Variants in PPFIA4 observed in about 807,000 individuals in gnomAD.
PPFIA4 encodes the protein PPFI scaffold protein A4.
Under a neutral mutation model 145.7 loss-of-function variants are expected in PPFIA4, and 98 were observed. The observed-to-expected ratio is 0.67, with a 90% CI of 0.57 to 0.80. The LOEUF (loss-of-function observed/expected upper bound fraction) is 0.80. Among genes scored for constraint, PPFIA4 ranks in the 30% least tolerant of loss-of-function variants. The pLI, the probability that PPFIA4 is intolerant of heterozygous loss-of-function variation, is 0.00. For synonymous variants in PPFIA4, 628 were observed against 649.6 expected (o/e 0.97, Z 0.51); for missense variants, 1,457 against 1,632.7 (o/e 0.89, Z 1.85).
Position 203,055,384 on chromosome 1 carries a change from G to A in PPFIA4, c.1830-48G>A. 6.2e-7 allele frequency: 1 copy of A among 1,608,668 alleles called. No homozygotes were observed. The highest frequency in any genetic ancestry group is 8.5e-7 in the Non-Finnish European group (1 of 1,175,606). ...GCATCGACCCGCACTGCCTCCTGCT[G>A]GTCCTGGCTGGGGCTAGTGGTGAGG... On this transcript the variant is annotated intron_variant, in intron 15 of 29. Coordinates refer to ENST00000295706, the MANE Select transcript of PPFIA4 (RefSeq NM_001304331.2). The surrounding 1 kb of genome is among the most constrained non-coding windows in gnomAD (Gnocchi z 4.8).
At chr1:203,071,075 T>C (rs1662121687) in intron 27 of PPFIA4, among the ~76,000 whole-genome samples, 1 of 151,698 alleles carries the variant, frequency 6.6e-6, no homozygotes, top group Non-Finnish European at 1.5e-5. Context: ...CCCAACTAAC[T>C]GGTAGCTGGG....
At chr1:203,052,052 C>CCCT (rs1553257078) in intron 14 of PPFIA4, among the ~76,000 whole-genome samples, 175 bp downstream of exon 14, 2 of 140,062 alleles carry the variant, frequency 1.4e-5, no homozygotes. Flanking sequence ...TGTGCCCCCC[C>CCCT]CCCCGCTTGC....
intron 8 of PPFIA4, 65 bp from the exon 9 acceptor site, chr1:203,046,183 G>A: frequency 1.3e-6 from 2 of 1,544,690 alleles, no homozygotes; most frequent in Admixed American, 2.0e-5. Context: ...CTCTGCTGAG[G>A]CTGGGGTGGG....
intron 13 of PPFIA4, among the ~76,000 whole-genome samples, chr1:203,050,800 C>T (rs1660451220): frequency 6.6e-6 from 1 of 151,868 alleles, no homozygotes; most frequent in Non-Finnish European, 1.5e-5. Context: ...TCCTACTTCT[C>T]CCATCCTGAC....
At chr1:203,054,748 C>T (rs1238553906) in intron 15 of PPFIA4, among the ~76,000 whole-genome samples, 1 of 151,970 alleles carries the variant, frequency 6.6e-6, no homozygotes, top group Non-Finnish European at 1.5e-5. Flanking sequence ...GTAGGACCAC[C>T]AGCTTTTTAT....
intron 25 of PPFIA4, among the ~76,000 whole-genome samples, chr1:203,065,408 T>C (rs1661663625): frequency 6.6e-6 from 1 of 152,044 alleles, no homozygotes; most frequent in Non-Finnish European, 1.5e-5. Flanking sequence ...TACTCAGTGA[T>C]TGATAGGGCT....
rs945362160 is a variant in PPFIA4, at chr1:203,076,581, G to C, written c.*191G>C. ...CCCCGAGTCCCACCGTGTGTCCGTT[G>C]TAAGTCCGGTGGATGTGGCTGGGGT... On this transcript the variant is annotated 3_prime_UTR_variant, in exon 30 of 30. Transcript: ENST00000295706. The C allele has an allele frequency of 4.9e-6, 3 of 611,106 alleles. No individual in the cohort carries two copies. The highest frequency in any genetic ancestry group is 8.7e-6 in the Non-Finnish European group (3 of 345,530). The allele number at this position is 611,106 out of a possible 1,614,324, so 37.9% of individuals were successfully genotyped here.
Position 203,068,389 on chromosome 1 carries a change from C to T in PPFIA4, c.3149-64C>T. 7.0e-7 allele frequency: 1 copy of T among 1,438,234 alleles called. No homozygotes were observed. Among genetic ancestry groups the T allele is most frequent in the Non-Finnish European group, 9.4e-7 (1 of 1,058,652 alleles). 89.1% of individuals were successfully genotyped at this position (1,438,234 alleles called of 1,614,324 possible). A position where few individuals can be genotyped will look rare whatever the true frequency, so the allele number is the denominator to read the frequency against. On this transcript the variant is annotated intron_variant, in intron 26 of 29. Coordinates refer to ENST00000295706, the MANE Select transcript of PPFIA4 (RefSeq NM_001304331.2). The surrounding 1 kb of genome is among the most constrained non-coding windows in gnomAD (Gnocchi z 4.7). ...TGGGTTTAGGGAGCTCTGCTTCTGT[C>T]CTTGGAGGGCCCTTGATGAAACGTA...
rs1200811441 is a variant in PPFIA4, at chr1:203,068,377, C to T, written c.3149-76C>T. 3.7e-6 allele frequency: 5 copies of T among 1,350,918 alleles called. No individual in the cohort carries two copies. The highest frequency in any genetic ancestry group is 4.0e-6 in the Non-Finnish European group (4 of 992,626). 83.7% of individuals were successfully genotyped at this position (1,350,918 alleles called of 1,614,324 possible). ...GGACTGCGGCTCTGGGTTTAGGGAG[C>T]TCTGCTTCTGTCCTTGGAGGGCCCT... On this transcript the variant is annotated intron_variant, in intron 26 of 29. Coordinates refer to ENST00000295706, the MANE Select transcript of PPFIA4 (RefSeq NM_001304331.2). The surrounding 1 kb of genome is among the most constrained non-coding windows in gnomAD (Gnocchi z 4.7).
intron 1 of PPFIA4, chr1:203,035,670 T>C (rs1265940225): frequency 2.2e-6 from 1 of 456,464 alleles, no homozygotes; most frequent in Non-Finnish European, 4.4e-6. Flanking sequence ...TGTGCGGGAG[T>C]TGAGGAGGCT....
intron 1 of PPFIA4, among the ~76,000 whole-genome samples, chr1:203,035,075 C>T (rs368033774): frequency 5.3e-5 from 8 of 152,242 alleles, no homozygotes; most frequent in African/African-American, 1.9e-4. Context: ...CTTACAGCAG[C>T]TCTGGCGACC....
At chr1:203,073,257 GC>G (rs2102698340) in intron 28 of PPFIA4, among the ~76,000 whole-genome samples, 1 of 152,334 alleles carries the variant, frequency 6.6e-6, no homozygotes, top group East Asian at 1.9e-4. Context: ...CTGTGGCAGA[GC>G]AGGACCGAAG....
Position 203,053,978 on chromosome 1 carries a change from A to G in PPFIA4, c.1829+17A>G. 1 of 1,554,444 alleles carries G rather than the reference A, an allele frequency of 6.4e-7. No homozygotes were observed. Among genetic ancestry groups the G allele is most frequent in the Non-Finnish European group, 8.7e-7 (1 of 1,149,378 alleles). The stretch of plus-strand genomic sequence containing the variant: ...GGAAATCAGGTTAGGGCAGGGCTGG[A>G]GGGCTTGGGAAGTGCATTGAAGGGC... On this transcript the variant is annotated intron_variant, in intron 15 of 29. Coordinates refer to ENST00000295706, the MANE Select transcript of PPFIA4 (RefSeq NM_001304331.2).
At chr1:203,061,961 A>T (rs1357096387) in intron 24 of PPFIA4, among the ~76,000 whole-genome samples, 2 of 152,064 alleles carry the variant, frequency 1.3e-5, no homozygotes, top group East Asian at 3.9e-4. Context: ...TCAGACCTAG[A>T]TTAGTATGAG....
chr1:203,035,153 G>A, intron 1 of PPFIA4: 1 of 371,158 alleles, frequency 2.7e-6, no homozygotes, highest in East Asian at 7.5e-5. Flanking sequence ...CAGCTGGGTG[G>A]GTGTCCGACC....
rs1483920810 is a variant in PPFIA4, at chr1:203,075,660, C to G, written c.3477C>G (p.Leu1159=). The G allele has an allele frequency of 1.3e-6, 2 of 1,510,732 alleles. No individual in the cohort carries two copies. The highest frequency in any genetic ancestry group is 1.8e-6 in the Non-Finnish European group (2 of 1,129,148). The allele number at this position is 1,510,732 out of a possible 1,614,324, so 93.6% of individuals were successfully genotyped here. A position where few individuals can be genotyped will look rare whatever the true frequency, so the allele number is the denominator to read the frequency against. Residue 1159 remains leucine, a synonymous_variant, in exon 29 of 30, where the codon CTC becomes CTG. Transcript: ENST00000295706. The surrounding 1 kb of genome is among the most constrained non-coding windows in gnomAD (Gnocchi z 4.1). The stretch of plus-strand genomic sequence containing the variant: ...AGCACCACGGTCGCGGCGGCATGCT[C>G]AGCGCTTCCGCGGAGACCCTCCCGG... ...PREHHGRGGM[L]SASAETLPAG... is the part of the protein sequence containing the mutation.
rs183281239 is a variant in PPFIA4 at position 203,076,588 on chromosome 1, C to T, written c.*198C>T. The T allele has an allele frequency of 1.2e-5, 7 of 603,446 alleles. No individual in the cohort carries two copies. Among genetic ancestry groups the T allele is most frequent in the South Asian group, 2.0e-5 (1 of 50,692 alleles). The allele number at this position is 603,446 out of a possible 1,614,324, so 37.4% of individuals were successfully genotyped here. On this transcript the variant is annotated 3_prime_UTR_variant, in exon 30 of 30. Coordinates refer to ENST00000295706, the MANE Select transcript of PPFIA4 (RefSeq NM_001304331.2). ...TCCCACCGTGTGTCCGTTGTAAGTCCGGTGGATGTGGCTGGGGTTTCCTGG... is the reference window on the plus strand; with the variant it reads ...TCCCACCGTGTGTCCGTTGTAAGTCTGGTGGATGTGGCTGGGGTTTCCTGG...
In PPFIA4 at chr1:203,044,028, C is replaced by T; in HGVS notation, c.434C>T (p.Ser145Phe). 3 of 1,612,354 alleles carry T rather than the reference C, an allele frequency of 1.9e-6. No individual in the cohort carries two copies. The highest frequency in any genetic ancestry group is 2.5e-6 in the Non-Finnish European group (3 of 1,179,650). ...CAGGCCCAGTCACCTTCGGGGGTCT[C>T]CAGTGAGGTGGAGGTGCTGAAGGCC... ...KRQAQSPSGV[S>F]SEVEVLKALK... The change falls in exon 4 of 30, where the codon TCC becomes TTC. Residue 145 changes from serine (S) to phenylalanine (F), a missense_variant. Around this residue, in one of 3 missense-constraint regions of PPFIA4, gnomAD observed 463 missense variants for 459.8 expected, o/e 1.01. Coordinates refer to ENST00000295706, the MANE Select transcript of PPFIA4 (RefSeq NM_001304331.2).
chr1:203,044,242 C>T lies in PPFIA4; in HGVS notation c.502-137C>T. 3 of 1,160,310 alleles carry T rather than the reference C, an allele frequency of 2.6e-6. No individual in the cohort carries two copies. In the South Asian group the frequency reaches 4.7e-5, roughly 18 times the overall value. 71.9% of individuals were successfully genotyped at this position (1,160,310 alleles called of 1,614,324 possible). A position where few individuals can be genotyped will look rare whatever the true frequency, so the allele number is the denominator to read the frequency against. On this transcript the variant is annotated intron_variant, in intron 4 of 29. Coordinates refer to ENST00000295706, the MANE Select transcript of PPFIA4 (RefSeq NM_001304331.2). The stretch of plus-strand genomic sequence containing the variant: ...TTAACTTCAAGGTCCTCCTGTTAGG[C>T]TCCCTCCTGCAAATGTGCTGCTTAG...
Sources: gnomAD v4.1 joint callset for allele counts (sites outside exome capture counted in the v4.1 genomes callset) on GRCh38, gnomAD v4.1.1 for gene constraint, gnomAD v4.1.1 regional missense constraint, Gnocchi (gnomAD v3.1) non-coding constraint, MANE v1.5 for transcripts, NCBI Gene and HGNC (gene_info 2026-07-23, HGNC 2026-07-21) for gene names.